The following CAMK1D variants were observed in gnomAD, a reference collection of about 807,000 sequenced individuals.
CAMK1D encodes calcium/calmodulin-dependent protein kinase type 1D.
In CAMK1D, 9 loss-of-function variants were observed where a neutral mutation model predicts 47.7. The ratio of observed to expected loss-of-function variants is 0.19; its 90% CI spans 0.11 to 0.33. CAMK1D has a LOEUF of 0.33. Among genes scored for constraint, CAMK1D ranks in the 10% least tolerant of loss-of-function variants. CAMK1D has a pLI of 1.00. For synonymous variants in CAMK1D, 184 were observed against 184.9 expected (o/e 0.99, Z 0.04); for missense variants, 291 against 488.7 (o/e 0.60, Z 3.81).
intron 6 of CAMK1D, among the ~76,000 whole-genome samples, chr10:12,795,909 G>C: frequency 6.6e-6 from 1 of 152,202 alleles, no homozygotes. Context: ...GAAGGGCTGA[G>C]GACGGCGTGG....
chr10:12,483,455 C>CT (rs1456674685), intron 1 of CAMK1D, among the ~76,000 whole-genome samples: 1 of 152,130 alleles, frequency 6.6e-6, no homozygotes, highest in African/African-American at 2.4e-5. Context: ...CCCGCCTTTG[C>CT]GTCCCAAAGT....
intron 2 of CAMK1D, among the ~76,000 whole-genome samples, chr10:12,595,275 G>T (rs1162402983): frequency 1.5e-5 from 2 of 132,140 alleles, no homozygotes; most frequent in Non-Finnish European, 3.1e-5. Context: ...CTGGGAGGTG[G>T]AGGTTGCAAT....
rs35773480 is a variant in CAMK1D at position 12,652,425 on chromosome 10, C to CAAAA, written c.225-14298_225-14295dup. 8.1e-5 allele frequency among the ~76,000 whole-genome samples: 10 copies of CAAAA among 123,922 alleles called. No homozygotes were observed. The South Asian group carries it at 1.6e-3, about 20-fold the overall frequency. 81.3% of individuals were successfully genotyped at this position (123,922 alleles called of 152,430 possible). ...TGAAACCCCGTCACTACTAAAAATA[C>CAAAA]AAAAAAAAAAAAAAAAGCCGGGCGT... On this transcript the variant is annotated intron_variant, in intron 2 of 10. Transcript: ENST00000619168.
At chr10:12,397,406 C>T (rs1205076830) in intron 1 of CAMK1D, among the ~76,000 whole-genome samples, 1 of 152,122 alleles carries the variant, frequency 6.6e-6, no homozygotes, top group African/African-American at 2.4e-5. Context: ...TCTTCCAGTC[C>T]TGGCTTCTCT....
At chr10:12,594,818 G>T (rs906096551) in intron 2 of CAMK1D, among the ~76,000 whole-genome samples, 2 of 152,154 alleles carry the variant, frequency 1.3e-5, no homozygotes, top group Non-Finnish European at 2.9e-5. Context: ...GGCCTCATGC[G>T]GTGTTCAAGT....
chr10:12,767,382 G>A (rs1157311243), intron 4 of CAMK1D, among the ~76,000 whole-genome samples: 2 of 152,062 alleles, frequency 1.3e-5, no homozygotes, highest in Admixed American at 6.6e-5. Flanking sequence ...TCTCCATGTT[G>A]GTCAGGCTGG....
chr10:12,814,589 A>G (rs1274301642), intron 7 of CAMK1D, among the ~76,000 whole-genome samples: 9 of 152,218 alleles, frequency 5.9e-5, no homozygotes, highest in South Asian at 4.1e-4. Flanking sequence ...CTTCTCAACT[A>G]TGTCCTTCTC....
At chr10:12,575,166 C>T (rs996403645) in intron 2 of CAMK1D, among the ~76,000 whole-genome samples, 4 of 152,124 alleles carry the variant, frequency 2.6e-5, no homozygotes, top group African/African-American at 9.7e-5. Context: ...GATCTTGGCT[C>T]ACTGCAACCT....
intron 1 of CAMK1D, among the ~76,000 whole-genome samples, chr10:12,402,213 A>C (rs1839252531): frequency 6.7e-6 from 1 of 149,758 alleles, no homozygotes; most frequent in Non-Finnish European, 1.5e-5. Flanking sequence ...AAGTGCTGGG[A>C]TTACAGGCAC....
At chr10:12,599,531 GC>G (rs1320591306) in intron 2 of CAMK1D, among the ~76,000 whole-genome samples, 1 of 152,190 alleles carries the variant, frequency 6.6e-6, no homozygotes, top group East Asian at 1.9e-4. Context: ...GAAGAAAAGA[GC>G]CAGTCTTTGG....
At chr10:12,782,567 C>T (rs780881598) in intron 5 of CAMK1D, among the ~76,000 whole-genome samples, 2 of 152,174 alleles carry the variant, frequency 1.3e-5, no homozygotes, top group African/African-American at 2.4e-5. Flanking sequence ...TTCTCTGATA[C>T]GCAGTGTCGC....
intron 8 of CAMK1D, among the ~76,000 whole-genome samples, chr10:12,817,764 C>T (rs546803529): frequency 2.0e-4 from 31 of 152,296 alleles, no homozygotes; most frequent in African/African-American, 6.7e-4. Context: ...AGTCTCGGCT[C>T]ACTGCAGCCT....
At position 12,790,176 on chromosome 10, in the gene CAMK1D, G is replaced by A. The variant is rs138798047; in HGVS notation, c.566-982G>A. Among the ~76,000 whole-genome samples the A allele has an allele frequency of 5.3e-5, 8 of 152,374 alleles. No individual in the cohort carries two copies. The East Asian group carries it at 1.4e-3, about 26-fold the overall frequency. The stretch of plus-strand genomic sequence containing the variant: ...CAGCATGGATGACTCTTGATGAAGA[G>A]TGCTTTAGAACCAAGAATGCAAGGT... On this transcript the variant is annotated intron_variant, in intron 5 of 10. Transcript: ENST00000619168.
intron 3 of CAMK1D, among the ~76,000 whole-genome samples, chr10:12,693,375 A>T (rs760631404): frequency 6.6e-6 from 1 of 152,050 alleles, no homozygotes; most frequent in African/African-American, 2.4e-5. Flanking sequence ...TAAAAAAAGA[A>T]CAAAGACTGA....
At chr10:12,537,795 A>G (rs1327000960) in intron 1 of CAMK1D, among the ~76,000 whole-genome samples, 1 of 152,080 alleles carries the variant, frequency 6.6e-6, no homozygotes, top group Non-Finnish European at 1.5e-5. Flanking sequence ...TTCCGCTGAG[A>G]CTTTTGGATT....
At chr10:12,742,451 AC>A (rs1358284282) in intron 3 of CAMK1D, among the ~76,000 whole-genome samples, 6 of 152,180 alleles carry the variant, frequency 3.9e-5, no homozygotes, top group Admixed American at 3.9e-4. Context: ...TAATTTATGT[AC>A]CATAAAATTC....
rs1564524458 is a variant in CAMK1D, at chr10:12,734,437, CACACACATATGTGTATATATACACAT to C, written c.300-26505_300-26480del. On this transcript the variant is annotated intron_variant, in intron 3 of 10. Transcript: ENST00000619168. Reference sequence around the variant, plus strand: ...ACACACACATGTATATATATATACACACACACATATGTGTATATATACACATACACATATGTGTATATATACACATA... The same window carrying C: ...ACACACACATGTATATATATATACACACACATATGTGTATATATACACATA... Among the ~76,000 whole-genome samples, 27 of 36,608 alleles carry C rather than the reference CACACACATATGTGTATATATACACAT, an allele frequency of 7.4e-4. 1 individual carries two copies. The highest frequency in any genetic ancestry group is 2.7e-3 in the African/African-American group (25 of 9,184). 24.0% of individuals were successfully genotyped at this position (36,608 alleles called of 152,430 possible). A position where few individuals can be genotyped will look rare whatever the true frequency, so the allele number is the denominator to read the frequency against.
intron 2 of CAMK1D, among the ~76,000 whole-genome samples, chr10:12,569,302 A>G (rs749326077): frequency 2.6e-5 from 4 of 152,212 alleles, no homozygotes; most frequent in African/African-American, 4.8e-5. Flanking sequence ...AATTTTTCAT[A>G]GTGTCTTTTT....
intron 2 of CAMK1D, among the ~76,000 whole-genome samples, chr10:12,573,530 T>C (rs1185267172): frequency 2.0e-5 from 3 of 152,240 alleles, no homozygotes; most frequent in Non-Finnish European, 4.4e-5. Context: ...GGACTCACTT[T>C]CTGCAGTTCT....
Sources: gnomAD v4.1 joint callset for allele counts (sites outside exome capture counted in the v4.1 genomes callset) on GRCh38, gnomAD v4.1.1 for gene constraint, MANE v1.5 for transcripts, NCBI Gene and HGNC (gene_info 2026-07-23, HGNC 2026-07-21) for gene names.